Variants in SANBR observed in about 807,000 individuals in gnomAD.
The protein encoded by SANBR is SANT and BTB domain regulator of CSR.
SANBR carries 77 observed loss-of-function variants against 101.8 expected under a neutral mutation model. The observed-to-expected ratio is 0.76, with a 90% CI of 0.63 to 0.91. SANBR has a LOEUF of 0.91. SANBR is among the 40% of genes least tolerant of loss of function. SANBR has a pLI of 0.00. For missense variants in SANBR, 875 were observed against 853.0 expected, an observed-to-expected ratio of 1.03 and a Z score of -0.32; for synonymous variants, 279 against 274.7, an observed-to-expected ratio of 1.02 and a Z score of -0.15.
intron 21 of SANBR, chr2:61,134,311 A>G (rs763174393): frequency 8.9e-5 from 135 of 1,518,748 alleles, no homozygotes; most frequent in Non-Finnish European, 1.1e-4. Context: ...TTATTAGTAG[A>G]CCACATGAAA....
In SANBR at chr2:61,122,452, A is replaced by G; in HGVS notation, c.*290A>G. 9.0e-7 allele frequency: 1 copy of G among 1,111,706 alleles called. No individual in the cohort carries two copies. Among genetic ancestry groups the G allele is most frequent in the Non-Finnish European group, 1.1e-6 (1 of 912,280 alleles). 68.9% of individuals were successfully genotyped at this position (1,111,706 alleles called of 1,614,324 possible). A position where few individuals can be genotyped will look rare whatever the true frequency, so the allele number is the denominator to read the frequency against. ...AGACTCCCAGTGTTTTCCTTTATTT[A>G]TTTGAAAAAGAAAGGCCTAAACTGT... On this transcript the variant is annotated 3_prime_UTR_variant, in exon 22 of 22. Coordinates refer to ENST00000402291, the MANE Select transcript of SANBR (RefSeq NM_001129993.3).
At chr2:61,112,441 C>T (rs1683874957) in intron 16 of SANBR, among the ~76,000 whole-genome samples, 1 of 151,806 alleles carries the variant, frequency 6.6e-6, no homozygotes, top group Non-Finnish European at 1.5e-5. Context: ...TCTTTTTTGT[C>T]AGCCATATGT....
In SANBR at chr2:61,071,665, T is replaced by A; in HGVS notation, c.210T>A (p.Tyr70Ter). Residue 70 changes from tyrosine to a stop codon, truncating the protein, a stop_gained, in exon 4 of 22, where the codon TAT becomes TAA. Transcript: ENST00000402291. LOFTEE classifies it high-confidence loss of function. ...GAAGCTCGCCTGTTGACAACCAGTA[T>A]AATTCCCTAATGGCTGCTGGAGAGA... The part of the protein sequence containing the change: ...SSGSSPVDNQ[Y>*]NSLMAAGESP... The A allele has an allele frequency of 6.2e-7, 1 of 1,600,144 alleles. No individual in the cohort carries two copies. Among genetic ancestry groups the A allele is most frequent in the South Asian group, 1.1e-5 (1 of 88,100 alleles).
At position 61,083,327 on chromosome 2, in the gene SANBR, G is replaced by C. The variant is rs888408882; in HGVS notation, c.890+13G>C. ...ATAAATTTAAAAGGTAATTTCAAAA[G>C]TTTAATTTTAAACCTAATACTCCTG... On this transcript the variant is annotated intron_variant, in intron 8 of 21. Transcript: ENST00000402291. The C allele has an allele frequency of 3.4e-6, 5 of 1,488,650 alleles. 1 individual carries two copies. The African/African-American group carries it at 7.0e-5, about 21-fold the overall frequency. 92.2% of individuals were successfully genotyped at this position (1,488,650 alleles called of 1,614,324 possible). A position where few individuals can be genotyped will look rare whatever the true frequency, so the allele number is the denominator to read the frequency against.
At chr2:61,101,740 T>A (rs1007355898) in intron 12 of SANBR, among the ~76,000 whole-genome samples, 1 of 144,402 alleles carries the variant, frequency 6.9e-6, no homozygotes, top group African/African-American at 2.6e-5. Flanking sequence ...AAAAAAAAAA[T>A]TGTATATATT....
In SANBR at chr2:61,123,268, A is replaced by T; in HGVS notation, c.*1106A>T. ...TTTTTTAAGTCTTAATTTGCCTTATAACTGACATTTCTTCAAATTATTCAG... is the reference window on the plus strand; with the variant it reads ...TTTTTTAAGTCTTAATTTGCCTTATTACTGACATTTCTTCAAATTATTCAG... On this transcript the variant is annotated 3_prime_UTR_variant, in exon 22 of 22. Coordinates refer to ENST00000402291, the MANE Select transcript of SANBR (RefSeq NM_001129993.3). The T allele has an allele frequency of 3.1e-6, 3 of 980,502 alleles. No homozygotes were observed. Among genetic ancestry groups the T allele is most frequent in the Non-Finnish European group, 3.6e-6 (3 of 825,238 alleles). 60.7% of individuals were successfully genotyped at this position (980,502 alleles called of 1,614,324 possible).
In SANBR at chr2:61,077,018, C is replaced by T. The variant is rs1356417735; in HGVS notation, c.530C>T (p.Ala177Val). The change falls in exon 6 of 22, where the codon GCT becomes GTT. Residue 177 changes from alanine to valine, a missense_variant. Ala to Val is a moderately conservative substitution (Grantham distance 64, BLOSUM62 0). Transcript: ENST00000402291. The stretch of plus-strand genomic sequence containing the variant: ...TTGATATCAGAAATGAAGTACTTTG[C>T]TGAATATTTATCTATGGATGCCCAG... ...DLLISEMKYFAEYLSMDAQRW... is the reference protein window; with the variant it reads ...DLLISEMKYFVEYLSMDAQRW... 6.2e-7 allele frequency: 1 copy of T among 1,613,958 alleles called. No individual in the cohort carries two copies. The highest frequency in any genetic ancestry group is 1.3e-5 in the African/African-American group (1 of 74,902).
At chr2:61,070,637 A>G (rs996261904) in intron 3 of SANBR, 137 bp downstream of exon 3, 12 of 531,068 alleles carry the variant, frequency 2.3e-5, no homozygotes, top group Non-Finnish European at 3.4e-5. Flanking sequence ...AGACATCTAT[A>G]TAATTTGACT....
intron 16 of SANBR, among the ~76,000 whole-genome samples, chr2:61,114,392 T>C (rs1683974902): frequency 6.6e-6 from 1 of 152,224 alleles, no homozygotes; most frequent in Admixed American, 6.5e-5. Flanking sequence ...TGTCAACGGT[T>C]AGTCTTAGAA....
At chr2:61,110,921 C>T (rs891257025) in intron 16 of SANBR, among the ~76,000 whole-genome samples, 62 of 151,876 alleles carry the variant, frequency 4.1e-4, no homozygotes, top group Admixed American at 4.1e-3. Flanking sequence ...TTAGTGAACC[C>T]GTAACTCTTA....
intron 20 of SANBR, among the ~76,000 whole-genome samples, chr2:61,119,211 T>G (rs1369219559): frequency 6.6e-6 from 1 of 152,228 alleles, no homozygotes; most frequent in Non-Finnish European, 1.5e-5. Flanking sequence ...TTATCATTAG[T>G]ATTGGTATTA....
chr2:61,108,252 A>G (rs2104942116), intron 14 of SANBR, 65 bp from the exon 15 acceptor site: 1 of 1,013,270 alleles, frequency 9.9e-7, no homozygotes, highest in Non-Finnish European at 1.5e-6. Context: ...CAGTATCTAT[A>G]TCAAAATAAG....
At chr2:61,109,339 G>T (rs771979156) in intron 16 of SANBR, 43 bp downstream of exon 16, 1 of 1,139,786 alleles carries the variant, frequency 8.8e-7, no homozygotes. Context: ...TGTTTATGAA[G>T]GGGTTACATT....
chr2:61,127,417 C>T (rs931222897), downstream of SANBR, among the ~76,000 whole-genome samples: 1 of 152,122 alleles, frequency 6.6e-6, no homozygotes, highest in Non-Finnish European at 1.5e-5. Context: ...AGGCATGAGT[C>T]CAGGTGAATT....
At chr2:61,109,685 T>G (rs10168258) in intron 16 of SANBR, among the ~76,000 whole-genome samples, 4,430 of 146,668 alleles carry the variant, frequency 0.03, 285 homozygotes, top group African/African-American at 0.11. Context: ...GTGTTTGTTT[T>G]TTTTTTTTTT....
downstream of SANBR, among the ~76,000 whole-genome samples, chr2:61,125,061 A>C (rs1280408834): frequency 6.6e-6 from 1 of 152,246 alleles, no homozygotes; most frequent in East Asian, 1.9e-4. Context: ...ATAGCTAGCC[A>C]GTTTAATTCT....
At chr2:61,121,501 C>T (rs1684330649) in intron 21 of SANBR, 1 of 375,932 alleles carries the variant, frequency 2.7e-6, no homozygotes, top group African/African-American at 2.1e-5. Context: ...GCTTGTTGGA[C>T]TAGCTTCATT....
intron 19 of SANBR, 151 bp from the exon 20 acceptor site, chr2:61,117,877 T>C (rs778022488): frequency 4.5e-6 from 3 of 665,828 alleles, no homozygotes; most frequent in Non-Finnish European, 7.7e-6. Context: ...CTTGCTAACT[T>C]AAATTCTTCA....
In SANBR at chr2:61,073,615, T is replaced by C. The variant is rs7600064; in HGVS notation, c.431+64T>C. ...AATATCAACTTCATAAAATATATGA[T>C]TGGTGGTTACCATAAGGTAGGAATT... On this transcript the variant is annotated intron_variant, in intron 5 of 21. Transcript: ENST00000402291. 5,392 of 907,880 alleles carry C rather than the reference T, an allele frequency of 5.9e-3. 190 individuals carry two copies. The African/African-American group carries it at 0.082, about 14-fold the overall frequency. The allele number at this position is 907,880 out of a possible 1,614,324, so 56.2% of individuals were successfully genotyped here. A position where few individuals can be genotyped will look rare whatever the true frequency, so the allele number is the denominator to read the frequency against.
Sources: gnomAD v4.1 joint callset for allele counts (sites outside exome capture counted in the v4.1 genomes callset) on GRCh38, gnomAD v4.1.1 for gene constraint, MANE v1.5 for transcripts, NCBI Gene and HGNC (gene_info 2026-07-23, HGNC 2026-07-21) for gene names.